ST13: variants seen among roughly 807,000 people sequenced by gnomAD.
The protein encoded by ST13 is hsc70-interacting protein.
A neutral mutation model predicts 56.7 loss-of-function variants in ST13; 23 were observed. The ratio of observed to expected loss-of-function variants is 0.41; its 90% CI spans 0.29 to 0.57. ST13 has a LOEUF of 0.57. Among genes scored for constraint, ST13 ranks in the 20% least tolerant of loss-of-function variants. The pLI is 0.36. For missense variants in ST13, 369 were observed against 459.9 expected, an observed-to-expected ratio of 0.80 and a Z score of 1.81; for synonymous variants, 132 against 142.4, an observed-to-expected ratio of 0.93 and a Z score of 0.52.
intron 1 of ST13, chr22:40,854,433 T>C (rs2057878071): frequency 6.6e-6 from 1 of 152,188 alleles, no homozygotes. Context: ...AGAATGTAAG[T>C]GGAATCAGAA....
At position 40,836,434 on chromosome 22, in the gene ST13, C is replaced by T. The variant is rs739271; in HGVS notation, c.383-547G>A. 5.2e-3 allele frequency among the ~76,000 whole-genome samples: 785 copies of T among 151,950 alleles called. 2 individuals carry two copies. Among genetic ancestry groups the T allele is most frequent in the Non-Finnish European group, 8.5e-3 (581 of 67,994 alleles). ...CTCCAGCCTGGGTGACACAGCACGA[C>T]TCCGTCTCAAAAAAATAAAAATAAA... On this transcript the variant is annotated intron_variant, in intron 5 of 11. Transcript: ENST00000216218.
In ST13 at chr22:40,843,810, G is replaced by A. The variant is rs139450918; in HGVS notation, c.315+1029C>T. Among the ~76,000 whole-genome samples the A allele has an allele frequency of 1.5e-4, 22 of 151,570 alleles. No homozygotes were observed. The East Asian group carries it at 4.2e-3, about 29-fold the overall frequency. On this transcript the variant is annotated intron_variant, in intron 4 of 11. Transcript: ENST00000216218. ...GCAAAAAGTGGAAAAAGTTTAAACA[G>A]GAGTTCGCAAATGCCAGTGAACAGC...
At chr22:40,848,980 C>A (rs2057847046) in intron 2 of ST13, among the ~76,000 whole-genome samples, 1 of 152,138 alleles carries the variant, frequency 6.6e-6, no homozygotes, top group South Asian at 2.1e-4. Context: ...CACTTTCTTC[C>A]CATCCTATAA....
chr22:40,828,773 A>G (rs186683785), intron 10 of ST13, among the ~76,000 whole-genome samples: 1 of 152,278 alleles, frequency 6.6e-6, no homozygotes, highest in Non-Finnish European at 1.5e-5. Context: ...TAACAATCAG[A>G]GATGAAGAAA....
In ST13 at chr22:40,832,679, A is replaced by G. The variant is rs2057759452; in HGVS notation, c.579-8T>C. On this transcript the variant is annotated splice_polypyrimidine_tract_variant and splice_region_variant and intron_variant, in intron 7 of 11. Transcript: ENST00000216218. ...TCCCAGTGGCCTAGAAGTCTGAAAC[A>G]GATTTACACTCATTTTAGGAGCCTT... The G allele has an allele frequency of 6.3e-7, 1 of 1,590,264 alleles. No individual in the cohort carries two copies. The highest frequency in any genetic ancestry group is 1.1e-5 in the South Asian group (1 of 90,840).
intron 4 of ST13, among the ~76,000 whole-genome samples, chr22:40,841,421 A>T (rs1445929574): frequency 6.6e-6 from 1 of 152,002 alleles, no homozygotes; most frequent in African/African-American, 2.4e-5. Context: ...ACATCCTCCT[A>T]AAATGGAAAG....
At chr22:40,836,790 G>A (rs2057779553) in intron 5 of ST13, among the ~76,000 whole-genome samples, 1 of 152,182 alleles carries the variant, frequency 6.6e-6, no homozygotes, top group African/African-American at 2.4e-5. Flanking sequence ...TATAGAATCA[G>A]AAGAGTTCTT....
At chr22:40,845,153 T>C (rs1193468245) in intron 3 of ST13, among the ~76,000 whole-genome samples, 1 of 152,226 alleles carries the variant, frequency 6.6e-6, no homozygotes, top group African/African-American at 2.4e-5. Flanking sequence ...GTGCAGTTTC[T>C]AGTATTACAC....
chr22:40,832,306 C>G (rs552773222), intron 8 of ST13: 8 of 499,784 alleles, frequency 1.6e-5, no homozygotes, highest in South Asian at 1.3e-4. Flanking sequence ...CCTGATACCC[C>G]CTTTTCTAAT....
intron 5 of ST13, among the ~76,000 whole-genome samples, chr22:40,839,356 G>A (rs1447996655): frequency 6.6e-6 from 1 of 152,088 alleles, no homozygotes; most frequent in Non-Finnish European, 1.5e-5. Context: ...GTCAACTATG[G>A]CATTGTGACA....
chr22:40,836,941 G>C (rs1168192255), intron 5 of ST13, among the ~76,000 whole-genome samples: 1 of 152,070 alleles, frequency 6.6e-6, no homozygotes, highest in African/African-American at 2.4e-5. Context: ...TCAGCTTCCT[G>C]AGTAGCTGGG....
intron 4 of ST13, among the ~76,000 whole-genome samples, chr22:40,843,162 T>C (rs1423668599): frequency 2.0e-5 from 3 of 152,148 alleles, no homozygotes; most frequent in Non-Finnish European, 4.4e-5. Context: ...CGTTAGTAAG[T>C]TATTAAAATA....
At chr22:40,843,722 A>G (rs1305610866) in intron 4 of ST13, among the ~76,000 whole-genome samples, 3 of 152,208 alleles carry the variant, frequency 2.0e-5, no homozygotes, top group African/African-American at 7.2e-5. Context: ...ATGCAGCACT[A>G]GCAACAAATT....
intron 1 of ST13, among the ~76,000 whole-genome samples, chr22:40,853,741 C>T (rs2145753384): frequency 6.6e-6 from 1 of 152,218 alleles, no homozygotes; most frequent in African/African-American, 2.4e-5. Flanking sequence ...ATTTCCTTTA[C>T]AACATTTAGG....
At chr22:40,840,156 A>G (rs2057796294) in intron 5 of ST13, among the ~76,000 whole-genome samples, 1 of 152,152 alleles carries the variant, frequency 6.6e-6, no homozygotes, top group African/African-American at 2.4e-5. Context: ...TCTCAAAAAA[A>G]CCAACCAAAC....
intron 5 of ST13, 148 bp downstream of exon 5, chr22:40,840,478 T>A (rs2057798094): frequency 3.2e-6 from 2 of 623,678 alleles, no homozygotes; most frequent in African/African-American, 3.9e-5. Context: ...GCCTCTTTTA[T>A]CAATGAGGAA....
At chr22:40,838,085 A>G (rs2057786198) in intron 5 of ST13, among the ~76,000 whole-genome samples, 1 of 152,184 alleles carries the variant, frequency 6.6e-6, no homozygotes, top group Non-Finnish European at 1.5e-5. Context: ...AGGGCCAAAT[A>G]AGAATTATTT....
intron 8 of ST13, among the ~76,000 whole-genome samples, chr22:40,831,906 C>T (rs1602650454): frequency 6.6e-6 from 1 of 152,182 alleles, no homozygotes; most frequent in South Asian, 2.1e-4. Context: ...GGCTGGAGTG[C>T]TGTGGCGTGA....
At chr22:40,845,997 C>T (rs749495819) in intron 3 of ST13, among the ~76,000 whole-genome samples, 5 of 152,058 alleles carry the variant, frequency 3.3e-5, no homozygotes, top group Non-Finnish European at 5.9e-5. Flanking sequence ...AGTGCAGTGG[C>T]GCAATCTTGG....
Sources: gnomAD v4.1 joint callset for allele counts (sites outside exome capture counted in the v4.1 genomes callset) on GRCh38, gnomAD v4.1.1 for gene constraint, MANE v1.5 for transcripts, NCBI Gene and HGNC (gene_info 2026-07-23, HGNC 2026-07-21) for gene names.